The following SYCP2 variants were observed in gnomAD, a reference collection of about 807,000 sequenced individuals.
SYCP2 encodes synaptonemal complex lateral element protein.
SYCP2 carries 55 observed loss-of-function variants against 211.3 expected under a neutral mutation model. The observed-to-expected ratio is 0.26, with a 90% CI of 0.21 to 0.33. SYCP2 has a LOEUF of 0.33. Ranked by LOEUF, SYCP2 falls within the 10% of genes least tolerant of loss-of-function variation. The probability of loss-of-function intolerance (pLI) is 1.00; values close to 1 mark genes in which losing one functional copy is unlikely to be tolerated. For missense variants in SYCP2, 1,731 were observed against 1,752.0 expected (o/e 0.99, Z 0.21); for synonymous variants, 570 against 555.2 (o/e 1.03, Z -0.37).
At position 59,865,803 on chromosome 20, in the gene SYCP2, TA is replaced by T; in HGVS notation, c.4379+3del. 7.2e-7 allele frequency: 1 copy of T among 1,398,566 alleles called. No individual in the cohort carries two copies. Among genetic ancestry groups the T allele is most frequent in the Non-Finnish European group, 9.5e-7 (1 of 1,049,344 alleles). The allele number at this position is 1,398,566 out of a possible 1,614,324, so 86.6% of individuals were successfully genotyped here. A position where few individuals can be genotyped will look rare whatever the true frequency, so the allele number is the denominator to read the frequency against. ...ATTATAGCCATTAAGAATGTCATAC[TA>T]ACCTCTGTTGTTCGCTTTTTTGATA... On this transcript the variant is annotated splice_donor_region_variant and intron_variant, in intron 42 of 44. Transcript: ENST00000357552.
Position 59,916,499 on chromosome 20 carries a change from C to T in SYCP2, c.500G>A (p.Cys167Tyr), listed in dbSNP as rs1489932751. ...SLVIDSRVNI[C>Y]IQQEIIKKMN... ...AAATGACTTTACCTCTTGCTGAATA[C>T]AAATATTCACTCTTGAGTCAATAAC... is the stretch of plus-strand genomic sequence containing the variant. The change falls in exon 8 of 45, where the codon TGT (cysteine) becomes TAT (tyrosine). Residue 167 changes from cysteine to tyrosine, a missense_variant. Cys to Tyr is a radical substitution (Grantham distance 194). Transcript: ENST00000357552. The T allele has an allele frequency of 4.4e-6, 7 of 1,601,812 alleles. No individual in the cohort carries two copies. The highest frequency in any genetic ancestry group is 5.1e-6 in the Non-Finnish European group (6 of 1,169,532).
chr20:59,864,220 G>A lies in SYCP2; in HGVS notation c.*91C>T, dbSNP rs539850721. 48 of 898,704 alleles carry A rather than the reference G, an allele frequency of 5.3e-5. No individual in the cohort carries two copies. In the South Asian group the frequency reaches 7.6e-4, roughly 14 times the overall value. 55.7% of individuals were successfully genotyped at this position (898,704 alleles called of 1,614,324 possible). On this transcript the variant is annotated 3_prime_UTR_variant, in exon 45 of 45. Transcript: ENST00000357552. ...AAGGGTACACTTGCTTCGGTGACAT[G>A]TATATTTTTCTCTTTGTAGGACTAT...
chr20:59,915,845 T>G (rs2060429600), intron 8 of SYCP2, among the ~76,000 whole-genome samples: 1 of 151,940 alleles, frequency 6.6e-6, no homozygotes, highest in African/African-American at 2.4e-5. Flanking sequence ...AATACAAAAA[T>G]TAGCTGGGCA....
intron 14 of SYCP2, among the ~76,000 whole-genome samples, chr20:59,910,371 CTTA>C (rs1163388086): frequency 1.7e-5 from 2 of 119,198 alleles, no homozygotes; most frequent in Non-Finnish European, 3.3e-5. Flanking sequence ...AGTGTAATTG[CTTA>C]TTTTTTTTTT....
chr20:59,885,917 A>G lies in SYCP2; in HGVS notation c.2529+11T>C. ...CTATAGATTTGGTGAAGTTAAGTAA[A>G]TAACACCTACCTTACTGAGTTGTAC... is the stretch of plus-strand genomic sequence containing the variant. On this transcript the variant is annotated intron_variant, in intron 26 of 44. Transcript: ENST00000357552. 2 of 1,594,552 alleles carry G rather than the reference A, an allele frequency of 1.3e-6. No homozygotes were observed. The highest frequency in any genetic ancestry group is 1.7e-6 in the Non-Finnish European group (2 of 1,169,896).
rs777159807 is a variant in SYCP2, at chr20:59,916,542, G to A, written c.457C>T (p.Pro153Ser). Residue 153 changes from proline to serine, a missense_variant, in exon 8 of 45, where the codon CCT becomes TCT. By Grantham distance (74) the Pro-to-Ser change is moderately conservative. Coordinates refer to ENST00000357552, the MANE Select transcript of SYCP2 (RefSeq NM_014258.4). ...GKKQVVESFVPRICSLVIDSR... is the reference protein window; with the variant it reads ...GKKQVVESFVSRICSLVIDSR... ...TCAATAACCAGGGAACAAATGCGAG[G>A]TACGAAACTTTCCACTACTTGTTTT... 1.4e-5 allele frequency: 23 copies of A among 1,609,962 alleles called. No individual in the cohort carries two copies. Among genetic ancestry groups the A allele is most frequent in the Non-Finnish European group, 2.0e-5 (23 of 1,176,546 alleles).
At chr20:59,867,922 C>G (rs932618956) in intron 38 of SYCP2, 75 bp from the exon 39 acceptor site, 55 of 1,063,324 alleles carry the variant, frequency 5.2e-5, no homozygotes, top group Non-Finnish European at 7.1e-5. Context: ...AGGCTAAGAA[C>G]AAAATCTATC....
Position 59,915,765 on chromosome 20 carries a change from G to A in SYCP2, c.514-215C>T, listed in dbSNP as rs148988070. 4.6e-3 allele frequency: 1,486 copies of A among 324,512 alleles called. 19 individuals carry two copies. Among genetic ancestry groups the A allele is most frequent in the East Asian group, 0.037 (650 of 17,728 alleles). 20.1% of individuals were successfully genotyped at this position (324,512 alleles called of 1,614,324 possible). On this transcript the variant is annotated intron_variant, in intron 8 of 44. Transcript: ENST00000357552. The stretch of plus-strand genomic sequence containing the variant: ...TACCAGCACTTTGGGAGGCCAAGGC[G>A]GGCGGATCACTTGATGTCAGGAGTT...
chr20:59,908,909 CCTTAA>C (rs1432201828), intron 14 of SYCP2, among the ~76,000 whole-genome samples: 3 of 152,138 alleles, frequency 2.0e-5, no homozygotes, highest in Non-Finnish European at 2.9e-5. Flanking sequence ...CACGCTCTTT[CCTTAA>C]CTTGATGTCT....
intron 10 of SYCP2, 71 bp from the exon 11 acceptor site, chr20:59,914,322 C>T: frequency 1.1e-6 from 1 of 888,464 alleles, no homozygotes; most frequent in Non-Finnish European, 1.7e-6. Context: ...ATATATTTTA[C>T]AAGGTATTAG....
intron 38 of SYCP2, among the ~76,000 whole-genome samples, chr20:59,868,110 G>A (rs2059386223): frequency 6.6e-6 from 1 of 151,598 alleles, no homozygotes; most frequent in Admixed American, 6.6e-5. Flanking sequence ...ATTTTTAACT[G>A]CTTTTTAACT....
In SYCP2 at chr20:59,895,591, G is replaced by T; in HGVS notation, c.1511C>A (p.Pro504Gln). ...TGGTTTAATTCTTCTTCTTCGTGGT[G>T]GTATTGCTAAAAAGGAGGACAAGGA... ...SPVLFSNTSI[P>Q]PRRRRIKPPL... Residue 504 changes from proline (P) to glutamine (Q), a missense_variant, in exon 20 of 45, where the codon CCA becomes CAA. Coordinates refer to ENST00000357552, the MANE Select transcript of SYCP2 (RefSeq NM_014258.4). 1 of 1,612,468 alleles carries T rather than the reference G, an allele frequency of 6.2e-7. No homozygotes were observed. Among genetic ancestry groups the T allele is most frequent in the Non-Finnish European group, 8.5e-7 (1 of 1,179,174 alleles).
rs376171431 is a variant in SYCP2, at chr20:59,881,666, GT to G, written c.2659-175del. 7.9e-3 allele frequency among the ~76,000 whole-genome samples: 1,142 copies of G among 143,774 alleles called. 17 individuals are homozygous for G. Among genetic ancestry groups the G allele is most frequent in the African/African-American group, 0.027 (1,051 of 39,460 alleles). 94.3% of individuals were successfully genotyped at this position (143,774 alleles called of 152,430 possible). On this transcript the variant is annotated intron_variant, in intron 28 of 44. Coordinates refer to ENST00000357552, the MANE Select transcript of SYCP2 (RefSeq NM_014258.4). The stretch of plus-strand genomic sequence containing the variant: ...AATACAATACACTAAAAATAGAATA[GT>G]TTTTTTTTTCATCAATAAGAAAGGT...
At chr20:59,910,531 C>G (rs2060300839) in intron 14 of SYCP2, among the ~76,000 whole-genome samples, 1 of 151,640 alleles carries the variant, frequency 6.6e-6, no homozygotes, top group Non-Finnish European at 1.5e-5. Flanking sequence ...CAGGCGCCTG[C>G]CACCACGCCC....
At chr20:59,877,293 A>AAGT in intron 33 of SYCP2, 92 bp downstream of exon 33, 4 of 888,628 alleles carry the variant, frequency 4.5e-6, no homozygotes, top group Non-Finnish European at 6.2e-6. Context: ...AACTCTTAAG[A>AAGT]AGTAACAGGA....
chr20:59,893,799 G>C (rs1294057168), intron 20 of SYCP2, among the ~76,000 whole-genome samples: 1 of 151,934 alleles, frequency 6.6e-6, no homozygotes, highest in Non-Finnish European at 1.5e-5. Flanking sequence ...CTGCAGACGA[G>C]GCAGAATATT....
intron 1 of SYCP2, among the ~76,000 whole-genome samples, chr20:59,932,541 G>A (rs562346645): frequency 1.2e-4 from 19 of 152,272 alleles, no homozygotes; most frequent in Middle Eastern, 3.4e-3. Flanking sequence ...TGGGCGTGGT[G>A]GCGCGCCAAG....
intron 14 of SYCP2, among the ~76,000 whole-genome samples, chr20:59,910,592 CTTAT>C (rs1260730828): frequency 6.6e-6 from 1 of 151,250 alleles, no homozygotes; most frequent in Non-Finnish European, 1.5e-5. Flanking sequence ...TGTTTAACTG[CTTAT>C]TTTCTTATCT....
intron 24 of SYCP2, among the ~76,000 whole-genome samples, chr20:59,890,342 GAAT>G (rs1463319539): frequency 2.0e-5 from 3 of 152,078 alleles, no homozygotes; most frequent in African/African-American, 4.8e-5. Flanking sequence ...AGTGGGAGTT[GAAT>G]AATAAGAACA....
Sources: allele counts gnomAD v4.1 joint callset (sites outside exome capture counted in the v4.1 genomes callset), GRCh38; gene constraint gnomAD v4.1.1; transcripts MANE v1.5; gene names NCBI Gene and HGNC (gene_info 2026-07-23, HGNC 2026-07-21).